Variants in NAALADL2 observed in about 807,000 individuals in gnomAD.
The protein encoded by NAALADL2 is inactive N-acetylated-alpha-linked acidic dipeptidase-like protein 2.
Under a neutral mutation model 87.2 loss-of-function variants are expected in NAALADL2, and 76 were observed. That is an observed-to-expected ratio of 0.87 (90% CI 0.72 to 1.05). The LOEUF is 1.05. NAALADL2 is among the 50% of genes least tolerant of loss of function. The pLI, the probability that NAALADL2 is intolerant of heterozygous loss-of-function variation, is 0.00. For missense variants in NAALADL2, 1,089 were observed against 945.8 expected, an observed-to-expected ratio of 1.15 and a Z score of -1.99; for synonymous variants, 354 against 331.0, an observed-to-expected ratio of 1.07 and a Z score of -0.75.
chr3:174,781,136 G>A (rs1426163780), intron 3 of NAALADL2, among the ~76,000 whole-genome samples: 3 of 152,030 alleles, frequency 2.0e-5, no homozygotes, highest in African/African-American at 7.2e-5. Flanking sequence ...TAGGGTTTCT[G>A]CAGAGAGATC....
chr3:175,305,262 G>A (rs1308167981), intron 4 of NAALADL2, among the ~76,000 whole-genome samples: 1 of 142,866 alleles, frequency 7.0e-6, no homozygotes, highest in Admixed American at 7.0e-5. Flanking sequence ...GTGTGTGTGT[G>A]TGTGTGTGTA....
intron 1 of NAALADL2, among the ~76,000 whole-genome samples, chr3:175,038,020 T>C (rs1753626335): frequency 6.6e-6 from 1 of 152,150 alleles, no homozygotes; most frequent in Non-Finnish European, 1.5e-5. Flanking sequence ...TTATCAGAAA[T>C]TGTAGATTCT....
intron 11 of NAALADL2, among the ~76,000 whole-genome samples, chr3:175,636,859 AT>A (rs1363418361): frequency 1.3e-5 from 2 of 152,194 alleles, no homozygotes; most frequent in Non-Finnish European, 1.5e-5. Context: ...ACTGTAAAAA[AT>A]ATATGACATT....
At chr3:175,010,899 T>A (rs569944944) in intron 1 of NAALADL2, among the ~76,000 whole-genome samples, 1 of 152,272 alleles carries the variant, frequency 6.6e-6, no homozygotes, top group South Asian at 2.1e-4. Context: ...GTTTCTCACA[T>A]ATAATCTACA....
chr3:174,821,054 T>G (rs1721365056), intron 3 of NAALADL2, among the ~76,000 whole-genome samples: 1 of 152,146 alleles, frequency 6.6e-6, no homozygotes, highest in Admixed American at 6.6e-5. Flanking sequence ...TGACTGTGCT[T>G]TCCAAATTTA....
chr3:175,055,000 C>A (rs1306285036), intron 1 of NAALADL2, among the ~76,000 whole-genome samples: 1 of 152,188 alleles, frequency 6.6e-6, no homozygotes, highest in East Asian at 1.9e-4. Context: ...CCAACTCCAA[C>A]TATGTTAAAT....
chr3:175,636,434 C>T (rs536677233), intron 11 of NAALADL2, among the ~76,000 whole-genome samples: 22 of 152,098 alleles, frequency 1.4e-4, no homozygotes, highest in Non-Finnish European at 2.4e-4. Context: ...CACGGTGGCT[C>T]ACGCTTGTAA....
At chr3:175,256,708 C>T (rs974890509) in intron 4 of NAALADL2, 178 bp downstream of exon 4, 3 of 451,594 alleles carry the variant, frequency 6.6e-6, no homozygotes, top group Admixed American at 4.4e-5. Context: ...CACATTAGAA[C>T]ATTTTAATTT....
chr3:174,967,641 C>T (rs1743073392), intron 1 of NAALADL2, among the ~76,000 whole-genome samples: 1 of 152,124 alleles, frequency 6.6e-6, no homozygotes, highest in Non-Finnish European at 1.5e-5. Flanking sequence ...GGTTACTTTC[C>T]TTAAGGGTGA....
chr3:174,571,428 G>A (rs1356634904), intron 2 of NAALADL2, among the ~76,000 whole-genome samples: 2 of 152,198 alleles, frequency 1.3e-5, no homozygotes, highest in East Asian at 1.9e-4. Context: ...CCAGGCTGGA[G>A]TGTAATGGCG....
chr3:174,654,213 T>A (rs982576437), intron 2 of NAALADL2, among the ~76,000 whole-genome samples: 11 of 152,252 alleles, frequency 7.2e-5, no homozygotes, highest in African/African-American at 2.6e-4. Context: ...ATGCTTTTGA[T>A]AAATCATAAA....
chr3:175,670,721 A>G (rs1415454672), intron 11 of NAALADL2, among the ~76,000 whole-genome samples: 2 of 150,904 alleles, frequency 1.3e-5, no homozygotes, highest in African/African-American at 4.9e-5. Context: ...GTTATTCTTG[A>G]CTCATGGCAT....
intron 1 of NAALADL2, among the ~76,000 whole-genome samples, chr3:174,460,263 A>AGTTT (rs1716127879): frequency 8.9e-6 from 1 of 112,888 alleles, no homozygotes. Context: ...ATATTTGGTT[A>AGTTT]GTTTGTTCAT....
At chr3:175,111,141 T>C (rs1464635309) in intron 2 of NAALADL2, among the ~76,000 whole-genome samples, 1 of 151,760 alleles carries the variant, frequency 6.6e-6, no homozygotes, top group African/African-American at 2.4e-5. Flanking sequence ...CCATATCCTG[T>C]GTGGAGCTAT....
chr3:174,720,811 A>C (rs1731644600), intron 2 of NAALADL2, among the ~76,000 whole-genome samples: 1 of 152,186 alleles, frequency 6.6e-6, no homozygotes, highest in Non-Finnish European at 1.5e-5. Context: ...TTGGTTAATA[A>C]ATTCTTGCCG....
intron 9 of NAALADL2, among the ~76,000 whole-genome samples, chr3:175,496,456 A>G (rs1728825956): frequency 6.6e-6 from 1 of 152,078 alleles, no homozygotes; most frequent in Admixed American, 6.6e-5. Flanking sequence ...CAATCAACAA[A>G]TTAACTTCAT....
intron 3 of NAALADL2, among the ~76,000 whole-genome samples, chr3:174,773,041 T>A (rs978845766): frequency 6.6e-6 from 1 of 152,108 alleles, no homozygotes; most frequent in African/African-American, 2.4e-5. Flanking sequence ...ACAAAAATAA[T>A]GCTGAGACAC....
rs146488089 is a variant in NAALADL2, at chr3:175,618,894, G to A, written c.1801-8397G>A. Among the ~76,000 whole-genome samples the A allele has an allele frequency of 2.7e-3, 413 of 152,192 alleles. 5 individuals carry two copies. In the Middle Eastern group the frequency reaches 0.048, roughly 18 times the overall value. ...CCTCATCTATACCATGGATGTGCACGAGTTCTCCACCCATGAAGTGGGAAG... is the reference window on the plus strand; with the variant it reads ...CCTCATCTATACCATGGATGTGCACAAGTTCTCCACCCATGAAGTGGGAAG... On this transcript the variant is annotated intron_variant, in intron 10 of 13. Coordinates refer to ENST00000454872, the MANE Select transcript of NAALADL2 (RefSeq NM_207015.3).
intron 1 of NAALADL2, among the ~76,000 whole-genome samples, chr3:174,884,676 A>G (rs1330884808): frequency 6.6e-6 from 1 of 152,176 alleles, no homozygotes; most frequent in Non-Finnish European, 1.5e-5. Context: ...GCCTGAATCC[A>G]TCAATTCAGC....
Sources: allele counts gnomAD v4.1 joint callset (sites outside exome capture counted in the v4.1 genomes callset), GRCh38; gene constraint gnomAD v4.1.1; transcripts MANE v1.5; gene names NCBI Gene and HGNC (gene_info 2026-07-23, HGNC 2026-07-21).